The following SUSD6 variants were observed in gnomAD, a reference collection of about 807,000 sequenced individuals.
SUSD6 encodes the protein sushi domain-containing protein 6.
A neutral mutation model predicts 28.4 loss-of-function variants in SUSD6; 16 were observed. That is an observed-to-expected ratio of 0.56 (90% CI 0.38 to 0.86). The LOEUF (loss-of-function observed/expected upper bound fraction) is 0.86. Among genes scored for constraint, SUSD6 ranks in the 40% least tolerant of loss-of-function variants. The pLI is 0.00. For synonymous variants in SUSD6, 147 were observed against 159.6 expected (o/e 0.92, Z 0.59); for missense variants, 341 against 384.2 (o/e 0.89, Z 0.94).
At chr14:69,670,494 A>G (rs778945627) in intron 2 of SUSD6, 2 of 456,750 alleles carry the variant, frequency 4.4e-6, no homozygotes, top group African/African-American at 2.0e-5. Flanking sequence ...AGAAGTCTAC[A>G]CTGAGATCTA....
intron 2 of SUSD6, among the ~76,000 whole-genome samples, chr14:69,664,878 C>T (rs757734336): frequency 1.3e-5 from 2 of 152,182 alleles, no homozygotes; most frequent in Admixed American, 6.5e-5. Context: ...GGTTAACACT[C>T]AGTCTTCAAT....
intron 2 of SUSD6, among the ~76,000 whole-genome samples, chr14:69,697,706 C>T (rs894279472): frequency 6.6e-6 from 1 of 152,232 alleles, no homozygotes; most frequent in Non-Finnish European, 1.5e-5. Flanking sequence ...CCTTCCTCCT[C>T]TCCTTAGTTT....
chr14:69,640,329 A>G (rs189624169), intron 1 of SUSD6, among the ~76,000 whole-genome samples: 100 of 151,922 alleles, frequency 6.6e-4, no homozygotes, highest in African/African-American at 2.2e-3. Context: ...ACACACACAT[A>G]TAATATATAA....
At chr14:69,632,971 G>T (rs1328835397) in intron 1 of SUSD6, among the ~76,000 whole-genome samples, 1 of 152,076 alleles carries the variant, frequency 6.6e-6, no homozygotes, top group African/African-American at 2.4e-5. Context: ...AATCTCTCTT[G>T]CCAGGTTCAC....
At chr14:69,656,879 T>C (rs924060866) in intron 1 of SUSD6, among the ~76,000 whole-genome samples, 2 of 152,234 alleles carry the variant, frequency 1.3e-5, no homozygotes, top group Admixed American at 1.3e-4. Flanking sequence ...TACTGTTTGG[T>C]GGTCACTCAC....
chr14:69,636,191 A>G (rs1595035890), intron 1 of SUSD6, among the ~76,000 whole-genome samples: 1 of 152,354 alleles, frequency 6.6e-6, no homozygotes, highest in African/African-American at 2.4e-5. Context: ...CACTCTGCAC[A>G]CACTCTTGCT....
intron 2 of SUSD6, among the ~76,000 whole-genome samples, chr14:69,698,940 A>C (rs1046774554): frequency 6.6e-6 from 1 of 152,146 alleles, no homozygotes; most frequent in Non-Finnish European, 1.5e-5. Context: ...AGGTGAGTTC[A>C]TTGTCTTCCC....
At chr14:69,652,969 T>C (rs946191939) in intron 1 of SUSD6, among the ~76,000 whole-genome samples, 1 of 152,188 alleles carries the variant, frequency 6.6e-6, no homozygotes, top group Non-Finnish European at 1.5e-5. Context: ...TTACAAAGCA[T>C]TTCCTCATAT....
At chr14:69,682,947 C>CTTTTT (rs5809442) in intron 2 of SUSD6, among the ~76,000 whole-genome samples, 1 of 62,664 alleles carries the variant, frequency 1.6e-5, no homozygotes, top group Non-Finnish European at 3.4e-5. Context: ...TCCAAGAAGC[C>CTTTTT]TTTTTTTTTT....
intron 2 of SUSD6, among the ~76,000 whole-genome samples, chr14:69,701,465 A>G (rs1457865489): frequency 2.6e-5 from 4 of 152,202 alleles, no homozygotes; most frequent in Non-Finnish European, 5.9e-5. Context: ...CAGTCCAAGG[A>G]GAGCCAGGGA....
intron 1 of SUSD6, among the ~76,000 whole-genome samples, chr14:69,620,245 C>T (rs112787815): frequency 9.2e-5 from 14 of 152,310 alleles, no homozygotes; most frequent in African/African-American, 3.4e-4. Context: ...GCAAGAAAAA[C>T]AGGCTCTGAG....
chr14:69,638,463 TGTG>T (rs929030631), intron 1 of SUSD6, among the ~76,000 whole-genome samples: 37 of 138,706 alleles, frequency 2.7e-4, no homozygotes, highest in Non-Finnish European at 5.0e-4. Context: ...TGTGTGTAAT[TGTG>T]TGTGTGTGGG....
intron 2 of SUSD6, among the ~76,000 whole-genome samples, chr14:69,690,766 A>G (rs1484712525): frequency 6.6e-6 from 1 of 152,224 alleles, no homozygotes; most frequent in Non-Finnish European, 1.5e-5. Context: ...GCACAAGATG[A>G]AGGAGGAAGA....
rs150010429 is a variant in SUSD6 at position 69,650,596 on chromosome 14, G to A, written c.-80-7917G>A. Among the ~76,000 whole-genome samples the A allele has an allele frequency of 7.3e-3, 1,108 of 152,274 alleles. 8 individuals are homozygous for A. The highest frequency in any genetic ancestry group is 0.01 in the Non-Finnish European group (686 of 68,020). On this transcript the variant is annotated intron_variant, in intron 1 of 5. Coordinates refer to ENST00000342745, the MANE Select transcript of SUSD6 (RefSeq NM_014734.4). ...AAGGGGTTTCCTACCTTCAGGTCAG[G>A]AACTTACGACAGGCTTTGTTCCTGC...
intron 4 of SUSD6, among the ~76,000 whole-genome samples, chr14:69,705,457 C>T (rs1886375213): frequency 6.6e-6 from 1 of 152,160 alleles, no homozygotes; most frequent in Non-Finnish European, 1.5e-5. Flanking sequence ...AAATGAGAAG[C>T]TCTAGGGGTG....
chr14:69,627,313 A>G (rs1047278769), intron 1 of SUSD6, among the ~76,000 whole-genome samples: 1 of 152,234 alleles, frequency 6.6e-6, no homozygotes, highest in Non-Finnish European at 1.5e-5. Context: ...AGGGCTAATC[A>G]TGAATTTGCA....
chr14:69,651,584 G>A (rs938093676), intron 1 of SUSD6, among the ~76,000 whole-genome samples: 2 of 152,160 alleles, frequency 1.3e-5, no homozygotes, highest in African/African-American at 2.4e-5. Context: ...TGTGGCTGTC[G>A]AAGCACTCAA....
chr14:69,644,022 G>T (rs935913527), intron 1 of SUSD6, among the ~76,000 whole-genome samples: 1 of 152,084 alleles, frequency 6.6e-6, no homozygotes, highest in Admixed American at 6.6e-5. Flanking sequence ...TCTTTGACAC[G>T]TTGGCTGTAT....
At chr14:69,694,310 C>T (rs1427344938) in intron 2 of SUSD6, among the ~76,000 whole-genome samples, 2 of 152,182 alleles carry the variant, frequency 1.3e-5, no homozygotes, top group African/African-American at 4.8e-5. Flanking sequence ...GACCCATTAC[C>T]AGGTACTTTA....
Sources: allele counts gnomAD v4.1 joint callset (sites outside exome capture counted in the v4.1 genomes callset), GRCh38; gene constraint gnomAD v4.1.1; transcripts MANE v1.5; gene names NCBI Gene and HGNC (gene_info 2026-07-23, HGNC 2026-07-21).